Variants in ATAD1 observed in about 807,000 individuals in gnomAD.
ATAD1 encodes the protein outer mitochondrial transmembrane helix translocase.
ATAD1 carries 18 observed loss-of-function variants against 42.7 expected under a neutral mutation model. The observed-to-expected ratio is 0.42, with a 90% CI of 0.29 to 0.63. The LOEUF (loss-of-function observed/expected upper bound fraction) is 0.63, where lower values mean the gene tolerates loss of function less well. Among genes scored for constraint, ATAD1 ranks in the 20% least tolerant of loss-of-function variants. ATAD1 has a pLI of 0.19. For synonymous variants in ATAD1, 132 were observed against 143.1 expected, an observed-to-expected ratio of 0.92 and a Z score of 0.55; for missense variants, 294 against 440.4, an observed-to-expected ratio of 0.67 and a Z score of 2.98.
At position 87,784,488 on chromosome 10, in the gene ATAD1, T is replaced by C. The variant is rs772327002; in HGVS notation, c.565A>G (p.Ile189Val). The C allele has an allele frequency of 1.2e-6, 2 of 1,613,460 alleles. No homozygotes were observed. The highest frequency in any genetic ancestry group is 1.1e-5 in the South Asian group (1 of 91,022). ...SLAIKLQPSI[I>V]FIDEIDSFLR... ...AGCATACCTATTTCATCTATAAAGA[T>C]GATGGATGGTTGTAGCTTTATGGCA... The change falls in exon 5 of 10, where the codon ATC (isoleucine) becomes GTC (valine). Residue 189 changes from isoleucine to valine, a missense_variant. By Grantham distance (29) the Ile-to-Val change is conservative (BLOSUM62 3). Around this residue, in one of 3 missense-constraint regions of ATAD1, gnomAD observed 31 missense variants for 78.6 expected, o/e 0.39. Transcript: ENST00000680024.
At chr10:87,757,017 A>T (rs1255296161) in intron 8 of ATAD1, 95 bp from the exon 9 acceptor site, 1 of 1,029,360 alleles carries the variant, frequency 9.7e-7, no homozygotes, top group African/African-American at 1.7e-5. Context: ...TAAGCATATT[A>T]TAACTGCATG....
chr10:87,820,414 G>C (rs543853189), upstream of ATAD1, among the ~76,000 whole-genome samples: 34 of 152,290 alleles, frequency 2.2e-4, no homozygotes, highest in Non-Finnish European at 4.6e-4. Flanking sequence ...AGGGTGACCA[G>C]CCTACCCAGT....
intron 2 of ATAD1, among the ~76,000 whole-genome samples, chr10:87,806,045 A>C (rs1356388111): frequency 2.6e-5 from 4 of 152,160 alleles, no homozygotes; most frequent in African/African-American, 9.6e-5. Context: ...AAGTGAGAAG[A>C]GGGATAACCA....
chr10:87,811,303 A>G (rs1208365683), intron 2 of ATAD1, among the ~76,000 whole-genome samples: 1 of 151,434 alleles, frequency 6.6e-6, no homozygotes, highest in Non-Finnish European at 1.5e-5. Flanking sequence ...ACTGCACTCC[A>G]GCCTGTGCAA....
At chr10:87,778,178 T>TAAAAAAAAAAAAA (rs377243162) in intron 5 of ATAD1, among the ~76,000 whole-genome samples, 21 of 88,622 alleles carry the variant, frequency 2.4e-4, no homozygotes, top group South Asian at 3.7e-4. Context: ...TAGAATAAAT[T>TAAAAAAAAAAAAA]AAAAAAAAAA....
chr10:87,827,178 T>C (rs1442998881), intron 1 of ATAD1, among the ~76,000 whole-genome samples: 4 of 152,212 alleles, frequency 2.6e-5, no homozygotes, highest in African/African-American at 9.7e-5. Context: ...TTACTAAATA[T>C]CATGATACTA....
chr10:87,815,841 A>G (rs1373885396), intron 1 of ATAD1, among the ~76,000 whole-genome samples: 1 of 152,142 alleles, frequency 6.6e-6, no homozygotes, highest in Non-Finnish European at 1.5e-5. Flanking sequence ...TCCAGAGTCA[A>G]TTGTAAGCAT....
chr10:87,785,782 TCACATCAAA>T (rs1004359071), intron 4 of ATAD1, among the ~76,000 whole-genome samples: 3 of 152,010 alleles, frequency 2.0e-5, no homozygotes, highest in African/African-American at 7.2e-5. Flanking sequence ...ATTTTATTTT[TCACATCAAA>T]CACTTCAAAA....
At chr10:87,803,713 G>A (rs1856803454) in intron 2 of ATAD1, among the ~76,000 whole-genome samples, 1 of 152,236 alleles carries the variant, frequency 6.6e-6, no homozygotes, top group South Asian at 2.1e-4. Context: ...CTGAGGCTGT[G>A]TCATGGGTGC....
rs562748128 is a variant in ATAD1, at chr10:87,781,038, T to C, written c.583+3432A>G. Reference sequence around the variant, plus strand: ...ACACAAACTGAGAAATTATCTAAAATTGGTTTTGAACGATCAGACCCCTGA... The same window carrying C: ...ACACAAACTGAGAAATTATCTAAAACTGGTTTTGAACGATCAGACCCCTGA... On this transcript the variant is annotated intron_variant, in intron 5 of 9. Coordinates refer to ENST00000680024, the MANE Select transcript of ATAD1 (RefSeq NM_001321967.2). Among the ~76,000 whole-genome samples the C allele has an allele frequency of 8.5e-5, 13 of 152,212 alleles. 1 individual carries two copies. The South Asian group carries it at 2.7e-3, about 32-fold the overall frequency.
intron 1 of ATAD1, among the ~76,000 whole-genome samples, chr10:87,827,676 A>T (rs1857754239): frequency 6.6e-6 from 1 of 152,130 alleles, no homozygotes; most frequent in African/African-American, 2.4e-5. Context: ...TGACTGCTCT[A>T]CCAACCAGTC....
chr10:87,820,709 C>A (rs576287637), upstream of ATAD1, among the ~76,000 whole-genome samples: 19 of 152,184 alleles, frequency 1.2e-4, no homozygotes, highest in Admixed American at 2.6e-4. Context: ...CCACTGGAAA[C>A]CAAATGCCTA....
intron 8 of ATAD1, among the ~76,000 whole-genome samples, chr10:87,760,143 T>C (rs995498123): frequency 2.6e-5 from 4 of 152,206 alleles, no homozygotes; most frequent in South Asian, 2.1e-4. Flanking sequence ...TTTACACTTA[T>C]AATTTTATTT....
intron 1 of ATAD1, among the ~76,000 whole-genome samples, chr10:87,833,868 T>A (rs7085791): frequency 4.9e-4 from 75 of 151,828 alleles, no homozygotes; most frequent in African/African-American, 1.7e-3. Context: ...GGGACTACAG[T>A]CATGTGCCAC....
rs890330861 is a variant in ATAD1, at chr10:87,818,170, G to C, written c.-17C>G. On this transcript the variant is annotated 5_prime_UTR_variant, in exon 1 of 10. Coordinates refer to ENST00000680024, the MANE Select transcript of ATAD1 (RefSeq NM_001321967.2). ...CCCACGGGAACCAGCTACTCACCCAGGGGCAGAAACAGCAAGAGCAAGTGC... is the reference window on the plus strand; with the variant it reads ...CCCACGGGAACCAGCTACTCACCCACGGGCAGAAACAGCAAGAGCAAGTGC... The C allele has an allele frequency of 8.1e-6, 8 of 985,568 alleles. No individual in the cohort carries two copies. Among genetic ancestry groups the C allele is most frequent in the Non-Finnish European group, 9.6e-6 (8 of 830,112 alleles). The allele number at this position is 985,568 out of a possible 1,614,324, so 61.1% of individuals were successfully genotyped here.
In ATAD1 at chr10:87,811,170, T is replaced by A. The variant is rs1189029524; in HGVS notation, c.162+3268A>T. 2.6e-5 allele frequency among the ~76,000 whole-genome samples: 4 copies of A among 151,894 alleles called. 1 individual carries two copies. The South Asian group carries it at 8.3e-4, about 32-fold the overall frequency. ...CAACATGGTGAAACCCCGTCTCTACTAAAACTACAAAAATTAGCCACGTGT... is the reference window on the plus strand; with the variant it reads ...CAACATGGTGAAACCCCGTCTCTACAAAAACTACAAAAATTAGCCACGTGT... On this transcript the variant is annotated intron_variant, in intron 2 of 9. Transcript: ENST00000680024.
At chr10:87,808,536 C>A (rs1857034583) in intron 2 of ATAD1, among the ~76,000 whole-genome samples, 1 of 152,104 alleles carries the variant, frequency 6.6e-6, no homozygotes, top group Non-Finnish European at 1.5e-5. Context: ...GGCAACAGAG[C>A]AAGGCTCCGT....
intron 1 of ATAD1, among the ~76,000 whole-genome samples, chr10:87,829,067 T>G (rs769516130): frequency 6.6e-6 from 1 of 152,154 alleles, no homozygotes; most frequent in Non-Finnish European, 1.5e-5. Context: ...TACTAACACA[T>G]CATCCATTCT....
intron 8 of ATAD1, among the ~76,000 whole-genome samples, chr10:87,765,735 G>A (rs1178109263): frequency 6.6e-6 from 1 of 152,082 alleles, no homozygotes; most frequent in Admixed American, 6.6e-5. Context: ...ACTTTAATGA[G>A]ATAACCATTT....
Sources: gnomAD v4.1 joint callset for allele counts (sites outside exome capture counted in the v4.1 genomes callset) on GRCh38, gnomAD v4.1.1 for gene constraint, gnomAD v4.1.1 regional missense constraint, MANE v1.5 for transcripts, NCBI Gene and HGNC (gene_info 2026-07-23, HGNC 2026-07-21) for gene names.